PLCB4: variants seen among roughly 807,000 people sequenced by gnomAD.
PLCB4 encodes phospholipase C beta 4.
PLCB4 carries 77 observed loss-of-function variants against 178.8 expected under a neutral mutation model. That is an observed-to-expected ratio of 0.43 (90% CI 0.36 to 0.52). The LOEUF (loss-of-function observed/expected upper bound fraction) is 0.52, where lower values mean the gene tolerates loss of function less well. Ranked by LOEUF, PLCB4 falls within the 20% of genes least tolerant of loss-of-function variation. PLCB4 has a pLI of 0.00. For synonymous variants in PLCB4, 496 were observed against 490.8 expected (o/e 1.01, Z -0.14); for missense variants, 1,024 against 1,453.4 (o/e 0.70, Z 4.80).
chr20:9,135,637 G>T (rs1299660842), intron 2 of PLCB4, among the ~76,000 whole-genome samples: 5 of 152,128 alleles, frequency 3.3e-5, no homozygotes, highest in African/African-American at 1.2e-4. Flanking sequence ...GTTTATGCAA[G>T]GTTTGTGAGT....
At chr20:9,104,196 G>C (rs939184186) in intron 2 of PLCB4, among the ~76,000 whole-genome samples, 1 of 152,152 alleles carries the variant, frequency 6.6e-6, no homozygotes, top group African/African-American at 2.4e-5. Flanking sequence ...AGTTGGCTGG[G>C]AGCTAAGAAC....
intron 2 of PLCB4, among the ~76,000 whole-genome samples, chr20:9,168,835 G>A (rs958129273): frequency 2.0e-5 from 3 of 152,144 alleles, no homozygotes; most frequent in Non-Finnish European, 4.4e-5. Context: ...TGGTAGAAAT[G>A]TGTGGGATTG....
chr20:9,420,211 G>A (rs141046443), intron 26 of PLCB4, among the ~76,000 whole-genome samples: 4 of 152,282 alleles, frequency 2.6e-5, no homozygotes, highest in East Asian at 3.9e-4. Context: ...AAAAGGGCAG[G>A]GAGGAATGGG....
At chr20:9,127,661 T>G in intron 2 of PLCB4, among the ~76,000 whole-genome samples, 1 of 151,754 alleles carries the variant, frequency 6.6e-6, no homozygotes, top group Non-Finnish European at 1.5e-5. Flanking sequence ...TATCTATCTA[T>G]CTATCTATCT....
chr20:9,463,640 A>G (rs1316155036), intron 35 of PLCB4, among the ~76,000 whole-genome samples: 1 of 151,532 alleles, frequency 6.6e-6, no homozygotes, highest in African/African-American at 2.4e-5. Flanking sequence ...CTAGTCTCTA[A>G]TAAAACAGAC....
intron 3 of PLCB4, among the ~76,000 whole-genome samples, chr20:9,239,113 T>A (rs1217039242): frequency 1.3e-5 from 2 of 152,200 alleles, no homozygotes; most frequent in East Asian, 3.8e-4. Context: ...CTGTGGCCCG[T>A]GTTAGTTTAA....
At chr20:9,463,662 A>G (rs998348399) in intron 35 of PLCB4, among the ~76,000 whole-genome samples, 2 of 151,938 alleles carry the variant, frequency 1.3e-5, no homozygotes, top group Non-Finnish European at 2.9e-5. Context: ...TTAAACCAAC[A>G]AAGATCAAAA....
At chr20:9,438,018 A>G (rs980640952) in intron 30 of PLCB4, among the ~76,000 whole-genome samples, 1 of 152,168 alleles carries the variant, frequency 6.6e-6, no homozygotes, top group Non-Finnish European at 1.5e-5. Context: ...TGATAGGGGC[A>G]AGGAAATCTA....
At chr20:9,388,071 T>C (rs1177715611) in intron 15 of PLCB4, among the ~76,000 whole-genome samples, 1 of 152,078 alleles carries the variant, frequency 6.6e-6, no homozygotes, top group African/African-American at 2.4e-5. Flanking sequence ...AAACCCTGTC[T>C]CTACCAAAAA....
intron 7 of PLCB4, among the ~76,000 whole-genome samples, chr20:9,354,122 C>A (rs1307661260): frequency 6.6e-6 from 1 of 152,190 alleles, no homozygotes; most frequent in Non-Finnish European, 1.5e-5. Context: ...TCTTACCCAA[C>A]CTCCCTGCAG....
At chr20:9,228,541 G>A (rs944655461) in intron 3 of PLCB4, among the ~76,000 whole-genome samples, 2 of 152,108 alleles carry the variant, frequency 1.3e-5, no homozygotes, top group Non-Finnish European at 2.9e-5. Context: ...TGGGGGTTAG[G>A]GGGTGGATAG....
At chr20:9,238,223 A>G (rs2094015289) in intron 3 of PLCB4, among the ~76,000 whole-genome samples, 1 of 152,190 alleles carries the variant, frequency 6.6e-6, no homozygotes, top group Non-Finnish European at 1.5e-5. Context: ...GTGCCAGCAT[A>G]TACTGTTTTA....
intron 2 of PLCB4, among the ~76,000 whole-genome samples, chr20:9,162,345 C>T (rs922237925): frequency 1.3e-5 from 2 of 152,008 alleles, no homozygotes; most frequent in African/African-American, 4.8e-5. Flanking sequence ...CAAAATGTGG[C>T]GATTTGTGTA....
chr20:9,170,977 A>G (rs1407919618), intron 2 of PLCB4, among the ~76,000 whole-genome samples: 2 of 152,206 alleles, frequency 1.3e-5, no homozygotes, highest in Non-Finnish European at 2.9e-5. Context: ...TAGGGGCTGT[A>G]AAGTGCTCAC....
In PLCB4 at chr20:9,472,625, T is replaced by C. The variant is rs540088908; in HGVS notation, c.3351-165T>C. 3.3e-5 allele frequency among the ~76,000 whole-genome samples: 5 copies of C among 152,346 alleles called. No homozygotes were observed. The East Asian group carries it at 9.6e-4, about 29-fold the overall frequency. ...GGACACATACACAGATTTTTAAATA[T>C]TCTTCTCTGGACATTATATGTTTGA... On this transcript the variant is annotated intron_variant, in intron 36 of 39. Transcript: ENST00000378473.
At chr20:9,177,662 T>TTG (rs2093177272) in intron 2 of PLCB4, among the ~76,000 whole-genome samples, 1 of 152,146 alleles carries the variant, frequency 6.6e-6, no homozygotes, top group African/African-American at 2.4e-5. Flanking sequence ...ATGAAAGACA[T>TTG]TGTGTTGTAT....
intron 3 of PLCB4, among the ~76,000 whole-genome samples, chr20:9,249,572 T>G (rs981520650): frequency 6.6e-6 from 1 of 152,198 alleles, no homozygotes; most frequent in Non-Finnish European, 1.5e-5. Flanking sequence ...CCCAAAGTGT[T>G]GAGATTACAG....
intron 4 of PLCB4, among the ~76,000 whole-genome samples, chr20:9,318,218 G>C (rs1235341883): frequency 6.6e-6 from 1 of 151,780 alleles, no homozygotes; most frequent in Non-Finnish European, 1.5e-5. Context: ...CCACTTGAGA[G>C]ATGAGTTAGT....
intron 7 of PLCB4, among the ~76,000 whole-genome samples, chr20:9,349,874 CAT>C (rs1207548875): frequency 6.6e-6 from 1 of 152,156 alleles, no homozygotes; most frequent in African/African-American, 2.4e-5. Context: ...CCATTGGAAA[CAT>C]AATGTATGCT....
Sources: gnomAD v4.1 joint callset for allele counts (sites outside exome capture counted in the v4.1 genomes callset) on GRCh38, gnomAD v4.1.1 for gene constraint, MANE v1.5 for transcripts, NCBI Gene and HGNC (gene_info 2026-07-23, HGNC 2026-07-21) for gene names.